Variants in GALNTL6 observed in about 807,000 individuals in gnomAD.
GALNTL6 encodes polypeptide N-acetylgalactosaminyltransferase-like 6.
A neutral mutation model predicts 73.7 loss-of-function variants in GALNTL6; 46 were observed. The ratio of observed to expected loss-of-function variants is 0.62; its 90% CI spans 0.49 to 0.80. The LOEUF (loss-of-function observed/expected upper bound fraction) is 0.80. GALNTL6 is among the 30% of genes least tolerant of loss of function. The pLI, the probability that GALNTL6 is intolerant of heterozygous loss-of-function variation, is 0.00. For synonymous variants in GALNTL6, 259 were observed against 263.7 expected, an observed-to-expected ratio of 0.98 and a Z score of 0.17; for missense variants, 604 against 755.0, an observed-to-expected ratio of 0.80 and a Z score of 2.34.
Position 172,879,251 on chromosome 4 carries a change from T to C in GALNTL6, c.924-3539T>C, listed in dbSNP as rs112947239. Among the ~76,000 whole-genome samples the C allele has an allele frequency of 5.5e-3, 839 of 151,968 alleles. 9 individuals carry two copies. Among genetic ancestry groups the C allele is most frequent in the African/African-American group, 0.018 (765 of 41,540 alleles). Reference sequence around the variant, plus strand: ...TAAAATCAATAAGCATATAGGAGATTTGAATAACACTATCAACCAACTTGA... The same window carrying C: ...TAAAATCAATAAGCATATAGGAGATCTGAATAACACTATCAACCAACTTGA... On this transcript the variant is annotated intron_variant, in intron 7 of 12. Transcript: ENST00000506823.
chr4:171,999,254 G>A (rs955089451), intron 2 of GALNTL6, among the ~76,000 whole-genome samples: 2 of 152,152 alleles, frequency 1.3e-5, no homozygotes, highest in African/African-American at 4.8e-5. Context: ...GACTAGATTT[G>A]AGGGCTAACA....
intron 8 of GALNTL6, among the ~76,000 whole-genome samples, chr4:172,890,804 C>T (rs770282039): frequency 1.4e-4 from 21 of 152,026 alleles, no homozygotes; most frequent in Non-Finnish European, 1.9e-4. Context: ...TGAATAGTCC[C>T]TATTATTGTG....
chr4:172,051,950 G>C (rs775484105), intron 2 of GALNTL6, among the ~76,000 whole-genome samples: 4 of 152,084 alleles, frequency 2.6e-5, no homozygotes, highest in Non-Finnish European at 5.9e-5. Flanking sequence ...CAGGGCTCTG[G>C]GGCTACCCTC....
chr4:172,665,487 G>A (rs954896449), intron 5 of GALNTL6, among the ~76,000 whole-genome samples: 1 of 152,204 alleles, frequency 6.6e-6, no homozygotes, highest in Non-Finnish European at 1.5e-5. Context: ...TCCCCTGGAA[G>A]AGGAAGTAAA....
At chr4:173,035,521 G>A (rs929868459) in intron 12 of GALNTL6, among the ~76,000 whole-genome samples, 2 of 152,246 alleles carry the variant, frequency 1.3e-5, no homozygotes, top group East Asian at 1.9e-4. Context: ...CCCCTATGTC[G>A]TGGGTCAGTT....
chr4:172,591,026 G>A (rs898737918), intron 5 of GALNTL6, among the ~76,000 whole-genome samples: 2 of 152,092 alleles, frequency 1.3e-5, no homozygotes, highest in Non-Finnish European at 2.9e-5. Context: ...TTGGCTTATA[G>A]GAACAACTAA....
chr4:172,177,301 A>C (rs576853123), intron 2 of GALNTL6, among the ~76,000 whole-genome samples: 1 of 152,328 alleles, frequency 6.6e-6, no homozygotes, highest in African/African-American at 2.4e-5. Flanking sequence ...GTGTAGTGAC[A>C]TACGTGAAGT....
At chr4:171,833,987 G>GT (rs1378238638) in intron 2 of GALNTL6, among the ~76,000 whole-genome samples, 3 of 151,412 alleles carry the variant, frequency 2.0e-5, no homozygotes, top group Non-Finnish European at 3.0e-5. Context: ...ATGTTTTCAT[G>GT]TTTTTGCCAC....
intron 5 of GALNTL6, among the ~76,000 whole-genome samples, chr4:172,405,433 ATATATATATATTTTTTTTT>A (rs1223722991): frequency 7.6e-3 from 48 of 6,348 alleles, no homozygotes; most frequent in Non-Finnish European, 0.01. Context: ...ATATATATAT[ATATATATATATTTTTTTTT>A]TTTTTTTTTT....
intron 5 of GALNTL6, among the ~76,000 whole-genome samples, chr4:172,394,428 CTTTT>C (rs201130774): frequency 2.5e-5 from 3 of 120,146 alleles, no homozygotes; most frequent in African/African-American, 6.7e-5. Context: ...TCTTCTTCTT[CTTTT>C]TTTTTTTTTT....
At chr4:172,428,422 A>G (rs1453921440) in intron 5 of GALNTL6, among the ~76,000 whole-genome samples, 1 of 152,204 alleles carries the variant, frequency 6.6e-6, no homozygotes. Context: ...AAATTGGGAG[A>G]TTAAAATGTA....
At chr4:172,325,954 A>G (rs1740926774) in intron 4 of GALNTL6, among the ~76,000 whole-genome samples, 1 of 151,970 alleles carries the variant, frequency 6.6e-6, no homozygotes, top group East Asian at 1.9e-4. Context: ...GAAACAGACC[A>G]TATCATAAGT....
At chr4:171,843,161 T>G (rs1735283794) in intron 2 of GALNTL6, among the ~76,000 whole-genome samples, 1 of 152,136 alleles carries the variant, frequency 6.6e-6, no homozygotes, top group South Asian at 2.1e-4. Context: ...TGGTTTTTTA[T>G]GCTAAATTTC....
At chr4:172,272,201 C>T (rs1239827918) in intron 3 of GALNTL6, among the ~76,000 whole-genome samples, 1 of 152,164 alleles carries the variant, frequency 6.6e-6, no homozygotes, top group Non-Finnish European at 1.5e-5. Flanking sequence ...GTGGTCTGCT[C>T]ACCTCAGCCT....
At chr4:172,662,781 A>G (rs993054187) in intron 5 of GALNTL6, among the ~76,000 whole-genome samples, 3 of 152,202 alleles carry the variant, frequency 2.0e-5, no homozygotes, top group Admixed American at 6.5e-5. Flanking sequence ...AGCTGGGCAA[A>G]TAAGCAACCA....
At chr4:172,565,623 A>G (rs986032510) in intron 5 of GALNTL6, among the ~76,000 whole-genome samples, 1 of 152,156 alleles carries the variant, frequency 6.6e-6, no homozygotes, top group Non-Finnish European at 1.5e-5. Flanking sequence ...TTCATAATTG[A>G]GTTTAGAAGT....
At chr4:171,903,379 G>A (rs1282563253) in intron 2 of GALNTL6, among the ~76,000 whole-genome samples, 1 of 152,108 alleles carries the variant, frequency 6.6e-6, no homozygotes, top group Middle Eastern at 3.2e-3. Context: ...AGAAAGGGGT[G>A]ATGGACGGCA....
chr4:172,727,017 T>C (rs966055599), intron 5 of GALNTL6, among the ~76,000 whole-genome samples: 10 of 152,200 alleles, frequency 6.6e-5, no homozygotes, highest in African/African-American at 2.4e-4. Context: ...GCATTCAGAT[T>C]AAAAACTTAA....
intron 7 of GALNTL6, among the ~76,000 whole-genome samples, chr4:172,840,923 T>A: frequency 6.6e-6 from 1 of 152,148 alleles, no homozygotes; most frequent in Non-Finnish European, 1.5e-5. Flanking sequence ...AAAGATTGAT[T>A]AAAGGCATGA....
Sources: allele counts gnomAD v4.1 joint callset (sites outside exome capture counted in the v4.1 genomes callset), GRCh38; gene constraint gnomAD v4.1.1; transcripts MANE v1.5; gene names NCBI Gene and HGNC (gene_info 2026-07-23, HGNC 2026-07-21).